The following TMEM163 variants were observed in gnomAD, a reference collection of about 807,000 sequenced individuals.
TMEM163 encodes the protein transmembrane protein 163.
A neutral mutation model predicts 29.3 loss-of-function variants in TMEM163; 17 were observed. The observed-to-expected ratio is 0.58, with a 90% CI of 0.40 to 0.87. The LOEUF is 0.87. TMEM163 is among the 40% of genes least tolerant of loss of function. The pLI is 0.00. For synonymous variants in TMEM163, 157 were observed against 160.6 expected (o/e 0.98, Z 0.17); for missense variants, 303 against 381.5 (o/e 0.79, Z 1.71).
chr2:134,492,523 C>G (rs1360173898), intron 5 of TMEM163, among the ~76,000 whole-genome samples: 2 of 152,226 alleles, frequency 1.3e-5, no homozygotes, highest in Non-Finnish European at 2.9e-5. Context: ...CCCTCCACCT[C>G]TAGCCTCAGG....
intron 6 of TMEM163, 121 bp from the exon 7 acceptor site, chr2:134,458,294 C>A: frequency 2.5e-6 from 3 of 1,217,702 alleles, no homozygotes; most frequent in Non-Finnish European, 3.5e-6. Context: ...GCCCAAAGCT[C>A]TCACGAGTGA....
At position 134,460,155 on chromosome 2, in the gene TMEM163, C is replaced by T. The variant is rs938634785; in HGVS notation, c.668-1982G>A. The stretch of plus-strand genomic sequence containing the variant: ...ACCTGTGGCCCTCCCTGTACCCCGC[C>T]ACAGCCAGAGGGACCCTCTGTCGGT... On this transcript the variant is annotated intron_variant, in intron 6 of 7. Coordinates refer to ENST00000281924, the MANE Select transcript of TMEM163 (RefSeq NM_030923.5). This position sits in a 1 kb window ranked among gnomAD's most constrained non-coding sequence, Gnocchi z 4.3. Among the ~76,000 whole-genome samples the T allele has an allele frequency of 2.0e-5, 3 of 151,842 alleles. No individual in the cohort carries two copies. The highest frequency in any genetic ancestry group is 2.0e-4 in the Admixed American group (3 of 15,260).
intron 2 of TMEM163, among the ~76,000 whole-genome samples, chr2:134,603,302 T>G (rs959717337): frequency 6.6e-6 from 1 of 152,232 alleles, no homozygotes; most frequent in Non-Finnish European, 1.5e-5. Context: ...TAAACATTAT[T>G]TTAAAATGCA....
chr2:134,592,869 G>GATATAGATAGATAGATAGATAGAT (rs147345127), intron 2 of TMEM163, among the ~76,000 whole-genome samples: 4,439 of 148,186 alleles, frequency 0.03, 179 homozygotes, highest in African/African-American at 0.079. Context: ...TATTAATATA[G>GATATAGATAGATAGATAGATAGAT]AGATAGATAG....
chr2:134,615,026 CA>C (rs1233677032), intron 2 of TMEM163, among the ~76,000 whole-genome samples: 2 of 151,810 alleles, frequency 1.3e-5, no homozygotes, highest in Non-Finnish European at 2.9e-5. Flanking sequence ...AGAAGATGAG[CA>C]AAAAAACATT....
chr2:134,494,566 T>C (rs1432384785), intron 5 of TMEM163, among the ~76,000 whole-genome samples: 1 of 151,954 alleles, frequency 6.6e-6, no homozygotes, highest in African/African-American at 2.4e-5. Context: ...CGGCTTAATC[T>C]TCTAGAACCA....
At chr2:134,488,838 G>C (rs983481256) in intron 5 of TMEM163, among the ~76,000 whole-genome samples, 4 of 152,122 alleles carry the variant, frequency 2.6e-5, no homozygotes, top group African/African-American at 9.7e-5. Context: ...ATTTATAAAA[G>C]AGGAAACATA....
intron 7 of TMEM163, among the ~76,000 whole-genome samples, chr2:134,457,199 A>G (rs888226432): frequency 6.6e-6 from 1 of 152,148 alleles, no homozygotes; most frequent in Non-Finnish European, 1.5e-5. Flanking sequence ...GTTAATGGAC[A>G]ATTGTGTTGC....
At chr2:134,501,370 G>C (rs932013639) in intron 5 of TMEM163, among the ~76,000 whole-genome samples, 3 of 152,154 alleles carry the variant, frequency 2.0e-5, no homozygotes, top group African/African-American at 7.2e-5. Context: ...AAGTGGTTCA[G>C]CTATCGGGAG....
chr2:134,637,885 T>G (rs1198082082), intron 2 of TMEM163, among the ~76,000 whole-genome samples: 1 of 152,204 alleles, frequency 6.6e-6, no homozygotes, highest in Non-Finnish European at 1.5e-5. Flanking sequence ...GAAATATGCC[T>G]TTAGGAACTC....
intron 2 of TMEM163, among the ~76,000 whole-genome samples, chr2:134,649,413 T>C (rs1482938161): frequency 5.9e-5 from 9 of 152,226 alleles, no homozygotes; most frequent in Non-Finnish European, 1.3e-4. Context: ...TGGAAATGTT[T>C]ATAATCCCTT....
chr2:134,659,416 G>C (rs1225426005), intron 2 of TMEM163, among the ~76,000 whole-genome samples: 3 of 152,214 alleles, frequency 2.0e-5, no homozygotes, highest in Non-Finnish European at 4.4e-5. Context: ...AGACCGTAGA[G>C]GGGCCCCTCA....
intron 4 of TMEM163, among the ~76,000 whole-genome samples, chr2:134,550,168 G>A (rs1680880120): frequency 6.6e-6 from 1 of 152,104 alleles, no homozygotes; most frequent in African/African-American, 2.4e-5. Context: ...AGGGGCAGAA[G>A]GCAAATAGAA....
chr2:134,523,323 A>C (rs1300377528), intron 4 of TMEM163, among the ~76,000 whole-genome samples: 2 of 152,184 alleles, frequency 1.3e-5, no homozygotes, highest in African/African-American at 2.4e-5. Context: ...CAGTCAATTA[A>C]GGGAATTATT....
chr2:134,703,846 TAAA>T (rs370393554), intron 2 of TMEM163, among the ~76,000 whole-genome samples: 1 of 134,566 alleles, frequency 7.4e-6, no homozygotes. Flanking sequence ...TGTTAGAAAG[TAAA>T]AAAAAAAAAA....
intron 2 of TMEM163, among the ~76,000 whole-genome samples, chr2:134,669,315 T>C (rs996954871): frequency 1.3e-5 from 2 of 152,228 alleles, no homozygotes; most frequent in Non-Finnish European, 2.9e-5. Context: ...TCTCCAGTCC[T>C]AGTTCTATCC....
chr2:134,563,095 T>G (rs1332689014), intron 2 of TMEM163, among the ~76,000 whole-genome samples: 2 of 152,204 alleles, frequency 1.3e-5, no homozygotes, highest in Non-Finnish European at 2.9e-5. Flanking sequence ...TTTCCTGATA[T>G]TCTACACACT....
intron 6 of TMEM163, among the ~76,000 whole-genome samples, chr2:134,462,158 CTCTG>C (rs1249579184): frequency 1.6e-5 from 2 of 128,932 alleles, no homozygotes; most frequent in Admixed American, 1.4e-4. Flanking sequence ...TGCCTCTGCT[CTCTG>C]TCTCTCTCTC....
intron 5 of TMEM163, among the ~76,000 whole-genome samples, chr2:134,470,407 C>T (rs1686773398): frequency 6.6e-6 from 1 of 151,476 alleles, no homozygotes; most frequent in Non-Finnish European, 1.5e-5. Context: ...TCAAACAGGG[C>T]CCGGCACAGA....
Sources: gnomAD v4.1 joint callset for allele counts (sites outside exome capture counted in the v4.1 genomes callset) on GRCh38, gnomAD v4.1.1 for gene constraint, Gnocchi (gnomAD v3.1) non-coding constraint, MANE v1.5 for transcripts, NCBI Gene and HGNC (gene_info 2026-07-23, HGNC 2026-07-21) for gene names.